Variants in SLC35F6 observed in about 807,000 individuals in gnomAD.
The protein encoded by SLC35F6 is ANT2-binding protein.
Under a neutral mutation model 29.4 loss-of-function variants are expected in SLC35F6, and 26 were observed. The ratio of observed to expected loss-of-function variants is 0.89; its 90% CI spans 0.65 to 1.23. The LOEUF (loss-of-function observed/expected upper bound fraction) is 1.23. Among genes scored for constraint, SLC35F6 ranks in the 50% most tolerant of loss-of-function variants. SLC35F6 has a pLI of 0.00. For synonymous variants in SLC35F6, 174 were observed against 206.6 expected (o/e 0.84, Z 1.35); for missense variants, 428 against 487.8 (o/e 0.88, Z 1.15).
At position 26,773,503 on chromosome 2, in the gene SLC35F6, GAAAAAAA is replaced by G. The variant is rs70953813; in HGVS notation, c.78-738_78-732del. 7.5e-5 allele frequency among the ~76,000 whole-genome samples: 8 copies of G among 106,980 alleles called. No homozygotes were observed. In the East Asian group the frequency reaches 2.1e-3, roughly 28 times the overall value. The allele number at this position is 106,980 out of a possible 152,430, so 70.2% of individuals were successfully genotyped here. ...GGGCGACAGAGCGAGACTCCATTAA[GAAAAAAA>G]AAAAAAAAAGACCAAGGATTACAAA... On this transcript the variant is annotated intron_variant, in intron 1 of 5. Transcript: ENST00000344420.
chr2:26,769,313 G>A (rs1001702301), intron 1 of SLC35F6, among the ~76,000 whole-genome samples: 1 of 152,200 alleles, frequency 6.6e-6, no homozygotes, highest in Admixed American at 6.5e-5. Context: ...CAGCCTGCCC[G>A]CCAAAAGGAG....
At chr2:26,770,735 C>G (rs1664182868) in intron 1 of SLC35F6, among the ~76,000 whole-genome samples, 1 of 151,834 alleles carries the variant, frequency 6.6e-6, no homozygotes, top group Non-Finnish European at 1.5e-5. Context: ...AAAACAAGAA[C>G]AAAAACAAAA....
chr2:26,771,935 T>C (rs1474047593), intron 1 of SLC35F6, among the ~76,000 whole-genome samples: 1 of 152,182 alleles, frequency 6.6e-6, no homozygotes, highest in African/African-American at 2.4e-5. Context: ...TGGTACTGGT[T>C]ACAGCCTGGT....
chr2:26,780,443 G>C lies in SLC35F6; in HGVS notation c.*1932G>C, dbSNP rs926024528. 3.3e-5 allele frequency: 5 copies of C among 152,196 alleles called. No homozygotes were observed. Among genetic ancestry groups the C allele is most frequent in the African/African-American group, 9.7e-5 (4 of 41,438 alleles). The allele number at this position is 152,196 out of a possible 1,614,324, so 9.4% of individuals were successfully genotyped here. A position where few individuals can be genotyped will look rare whatever the true frequency, so the allele number is the denominator to read the frequency against. On this transcript the variant is annotated 3_prime_UTR_variant, in exon 6 of 6. Coordinates refer to ENST00000344420, the MANE Select transcript of SLC35F6 (RefSeq NM_017877.4). ...GAGAACTCCCAAGATGACAGACTAA[G>C]TAGGATTCTGCCATTTAGAATAATT...
At position 26,775,370 on chromosome 2, in the gene SLC35F6, A is replaced by C. The variant is rs1664279495; in HGVS notation, c.323-94A>C. 1.3e-6 allele frequency: 2 copies of C among 1,532,218 alleles called. No homozygotes were observed. Among genetic ancestry groups the C allele is most frequent in the East Asian group, 4.6e-5 (2 of 43,500 alleles). The allele number at this position is 1,532,218 out of a possible 1,614,324, so 94.9% of individuals were successfully genotyped here. The stretch of plus-strand genomic sequence containing the variant: ...CACAGGCAGGACTGATCGAGCGCTT[A>C]CTATGAGCTTGGCATGTCTATCACC... On this transcript the variant is annotated intron_variant, in intron 3 of 5. Coordinates refer to ENST00000344420, the MANE Select transcript of SLC35F6 (RefSeq NM_017877.4). The surrounding 1 kb of genome is among the most constrained non-coding windows in gnomAD (Gnocchi z 4.6).
intron 1 of SLC35F6, 37 bp downstream of exon 1, chr2:26,764,463 G>A: frequency 1.9e-6 from 3 of 1,549,272 alleles, no homozygotes; most frequent in Non-Finnish European, 2.6e-6. Flanking sequence ...GGGCCCTGGC[G>A]ACCCCGGCGC....
intron 1 of SLC35F6, among the ~76,000 whole-genome samples, chr2:26,770,027 C>T (rs1431534133): frequency 6.6e-6 from 1 of 152,140 alleles, no homozygotes; most frequent in Non-Finnish European, 1.5e-5. Flanking sequence ...TGCCTTAAGC[C>T]TCAGAGTCCC....
intron 1 of SLC35F6, among the ~76,000 whole-genome samples, chr2:26,773,289 A>G (rs1664230869): frequency 6.6e-6 from 1 of 152,068 alleles, no homozygotes; most frequent in Non-Finnish European, 1.5e-5. Flanking sequence ...TCACAAGGTC[A>G]GGAGATTGAG....
intron 2 of SLC35F6, among the ~76,000 whole-genome samples, chr2:26,774,630 A>G (rs1010641867): frequency 6.6e-6 from 1 of 152,324 alleles, no homozygotes; most frequent in African/African-American, 2.4e-5. Flanking sequence ...CCAGACCCCA[A>G]TTGGGACAGG....
chr2:26,768,994 C>T (rs1558617153), intron 1 of SLC35F6, among the ~76,000 whole-genome samples: 1 of 152,314 alleles, frequency 6.6e-6, no homozygotes, highest in East Asian at 1.9e-4. Flanking sequence ...ATTGTCACCT[C>T]AGGAGCCAGG....
At chr2:26,773,196 C>T (rs996436812) in intron 1 of SLC35F6, among the ~76,000 whole-genome samples, 7 of 152,048 alleles carry the variant, frequency 4.6e-5, no homozygotes, top group African/African-American at 1.7e-4. Flanking sequence ...TGTTTTAAAA[C>T]GTGTAAATAA....
In SLC35F6 at chr2:26,775,582, C is replaced by T; in HGVS notation, c.441C>T (p.Gly147=). The T allele has an allele frequency of 1.9e-6, 3 of 1,608,760 alleles. No individual in the cohort carries two copies. The highest frequency in any genetic ancestry group is 2.5e-6 in the Non-Finnish European group (3 of 1,179,534). The change falls in exon 4 of 6, where the codon GGC becomes GGT. Residue 147 remains glycine (G), a synonymous_variant. Transcript: ENST00000344420. This position sits in a 1 kb window ranked among gnomAD's most constrained non-coding sequence, Gnocchi z 4.6. ...GGCTGGTGCTGAGCCAGTGGCTGGG[C>T]ATCCTAGCCACCATCGCGGGGCTGG... is the stretch of plus-strand genomic sequence containing the variant. ...GRRLVLSQWL[G]ILATIAGLVV...
Position 26,778,765 on chromosome 2 carries a change from CCTACAGCA to C in SLC35F6, c.*258_*265del, listed in dbSNP as rs1664354388. 2.0e-6 allele frequency: 1 copy of C among 489,128 alleles called. No homozygotes were observed. Among genetic ancestry groups the C allele is most frequent in the Admixed American group, 3.6e-5 (1 of 28,108 alleles). The allele number at this position is 489,128 out of a possible 1,614,324, so 30.3% of individuals were successfully genotyped here. A position where few individuals can be genotyped will look rare whatever the true frequency, so the allele number is the denominator to read the frequency against. Reference sequence around the variant, plus strand: ...GCAGACCTCAGCTCTCTGGACCCCTCCTACAGCACTAGAGCTAAATCATGAAGTTGAAT... The same window carrying C: ...GCAGACCTCAGCTCTCTGGACCCCTCCTAGAGCTAAATCATGAAGTTGAAT... On this transcript the variant is annotated 3_prime_UTR_variant, in exon 6 of 6. Transcript: ENST00000344420.
intron 1 of SLC35F6, among the ~76,000 whole-genome samples, chr2:26,770,568 A>G (rs1277683243): frequency 1.3e-5 from 2 of 152,074 alleles, no homozygotes; most frequent in Non-Finnish European, 2.9e-5. Context: ...AAATATAAAA[A>G]TTAGCTGGGC....
chr2:26,774,704 C>T (rs959160045), intron 2 of SLC35F6, among the ~76,000 whole-genome samples: 5 of 152,196 alleles, frequency 3.3e-5, no homozygotes, highest in Admixed American at 3.3e-4. Flanking sequence ...AAATGTCAGC[C>T]CCAGCTCTAC....
chr2:26,765,284 TCAGA>T (rs1664076923), intron 1 of SLC35F6, among the ~76,000 whole-genome samples: 2 of 152,106 alleles, frequency 1.3e-5, no homozygotes. Context: ...TGCCATTAAC[TCAGA>T]CAGAGAGGGC....
chr2:26,775,754 G>T lies in SLC35F6; in HGVS notation c.535+78G>T. ...GGGAGCCCAGCACAGACTCATACAA[G>T]CTCTGCCATGTGCCATATACCAAGC... On this transcript the variant is annotated intron_variant, in intron 4 of 5. Coordinates refer to ENST00000344420, the MANE Select transcript of SLC35F6 (RefSeq NM_017877.4). This position sits in a 1 kb window ranked among gnomAD's most constrained non-coding sequence, Gnocchi z 4.6. The T allele has an allele frequency of 7.0e-7, 1 of 1,436,930 alleles. No homozygotes were observed. The highest frequency in any genetic ancestry group is 9.2e-7 in the Non-Finnish European group (1 of 1,083,926). 89.0% of individuals were successfully genotyped at this position (1,436,930 alleles called of 1,614,324 possible). A position where few individuals can be genotyped will look rare whatever the true frequency, so the allele number is the denominator to read the frequency against.
At chr2:26,767,673 T>G (rs1664120856) in intron 1 of SLC35F6, among the ~76,000 whole-genome samples, 1 of 152,172 alleles carries the variant, frequency 6.6e-6, no homozygotes, top group South Asian at 2.1e-4. Flanking sequence ...GGTACTCATT[T>G]CAGAACCCCA....
chr2:26,774,243 TC>T lies in SLC35F6; in HGVS notation c.78-6del. On this transcript the variant is annotated splice_region_variant and splice_polypyrimidine_tract_variant and intron_variant, in intron 1 of 5. Coordinates refer to ENST00000344420, the MANE Select transcript of SLC35F6 (RefSeq NM_017877.4). ...GACAGGGTCTGACCTTCCCTCTCTC[TC>T]CTACAGATGGGCGGACAATTTCATG... 1 of 1,614,036 alleles carries T rather than the reference TC, an allele frequency of 6.2e-7. No homozygotes were observed. The highest frequency in any genetic ancestry group is 8.5e-7 in the Non-Finnish European group (1 of 1,179,966).
Sources: allele counts gnomAD v4.1 joint callset (sites outside exome capture counted in the v4.1 genomes callset), GRCh38; gene constraint gnomAD v4.1.1; non-coding constraint Gnocchi (gnomAD v3.1); transcripts MANE v1.5; gene names NCBI Gene and HGNC (gene_info 2026-07-23, HGNC 2026-07-21).